Variants in CACNB2 observed in about 807,000 individuals in gnomAD.
CACNB2 encodes calcium voltage-gated channel auxiliary subunit beta 2.
Under a neutral mutation model 73.3 loss-of-function variants are expected in CACNB2, and 42 were observed. The observed-to-expected ratio is 0.57, with a 90% CI of 0.45 to 0.74. The LOEUF is 0.74. CACNB2 is among the 30% of genes least tolerant of loss of function. CACNB2 has a pLI of 0.00. For synonymous variants in CACNB2, 348 were observed against 310.3 expected, an observed-to-expected ratio of 1.12 and a Z score of -1.28; for missense variants, 940 against 853.0, an observed-to-expected ratio of 1.10 and a Z score of -1.27.
intron 3 of CACNB2, among the ~76,000 whole-genome samples, chr10:18,437,060 T>A (rs2046172251): frequency 6.6e-6 from 1 of 152,234 alleles, no homozygotes; most frequent in Non-Finnish European, 1.5e-5. Flanking sequence ...TACATTTGAC[T>A]TAAATGTTTA....
intron 2 of CACNB2, among the ~76,000 whole-genome samples, chr10:18,204,976 G>GAAA (rs80197923): frequency 3.2e-5 from 4 of 126,104 alleles, no homozygotes; most frequent in Non-Finnish European, 1.6e-5. Flanking sequence ...AACTTTACCA[G>GAAA]AAAAAAAAAA....
At chr10:18,279,622 T>C (rs77434189) in intron 2 of CACNB2, among the ~76,000 whole-genome samples, 4,170 of 152,342 alleles carry the variant, frequency 0.027, 185 homozygotes, top group African/African-American at 0.095. Context: ...AGGGTTGGCA[T>C]TTAGTTACTA....
chr10:18,205,670 C>T (rs1164279491), intron 2 of CACNB2, among the ~76,000 whole-genome samples: 1 of 152,174 alleles, frequency 6.6e-6, no homozygotes, highest in Non-Finnish European at 1.5e-5. Flanking sequence ...CCAAACCACA[C>T]TTCTGAGTCT....
chr10:18,152,420 C>G (rs1273590083), intron 2 of CACNB2, among the ~76,000 whole-genome samples: 3 of 152,032 alleles, frequency 2.0e-5, no homozygotes, highest in Admixed American at 6.6e-5. Context: ...AGGCTCAACC[C>G]TAGAGCTATG....
chr10:18,143,064 G>A (rs767505114), intron 1 of CACNB2, among the ~76,000 whole-genome samples: 3 of 152,188 alleles, frequency 2.0e-5, no homozygotes, highest in Non-Finnish European at 2.9e-5. Context: ...ATAATTTATC[G>A]TTTCTAGTTC....
intron 2 of CACNB2, among the ~76,000 whole-genome samples, chr10:18,384,771 A>G (rs890706327): frequency 6.6e-6 from 1 of 151,154 alleles, no homozygotes. Context: ...AACCCACAAA[A>G]CCAAAAATAA....
At chr10:18,532,507 T>A (rs2053132019) in intron 10 of CACNB2, among the ~76,000 whole-genome samples, 1 of 151,862 alleles carries the variant, frequency 6.6e-6, no homozygotes, top group Non-Finnish European at 1.5e-5. Flanking sequence ...ACGCCATCTC[T>A]ACTAAAAGTA....
At chr10:18,375,906 T>G (rs1360477368) in intron 2 of CACNB2, among the ~76,000 whole-genome samples, 1 of 152,200 alleles carries the variant, frequency 6.6e-6, no homozygotes, top group Non-Finnish European at 1.5e-5. Flanking sequence ...AAAAACCACC[T>G]TTACTAACCA....
At chr10:18,453,614 A>G (rs752593835) in intron 3 of CACNB2, among the ~76,000 whole-genome samples, 2 of 152,208 alleles carry the variant, frequency 1.3e-5, no homozygotes, top group Non-Finnish European at 2.9e-5. Context: ...TGTCTCGTAC[A>G]CATACTTACC....
chr10:18,233,757 G>T (rs1013276242), intron 2 of CACNB2, among the ~76,000 whole-genome samples: 13 of 152,144 alleles, frequency 8.5e-5, no homozygotes, highest in African/African-American at 3.1e-4. Flanking sequence ...TGTGAATAAA[G>T]TACTAGGCTA....
chr10:18,183,914 A>G (rs1757208), intron 2 of CACNB2, among the ~76,000 whole-genome samples: 112,299 of 151,648 alleles, frequency 0.74, 41,629 homozygotes, highest in East Asian at 0.82. Context: ...CTGCAAGCCC[A>G]GGAGAGTTAC....
intron 3 of CACNB2, among the ~76,000 whole-genome samples, chr10:18,489,647 T>C (rs1434396528): frequency 6.6e-6 from 1 of 152,122 alleles, no homozygotes. Flanking sequence ...AAATGAAATG[T>C]AGCAATCTAT....
chr10:18,291,203 C>G (rs2039054954), intron 2 of CACNB2, among the ~76,000 whole-genome samples: 1 of 152,156 alleles, frequency 6.6e-6, no homozygotes, highest in Non-Finnish European at 1.5e-5. Flanking sequence ...TTATCTTTAT[C>G]CTCTGAGCGG....
chr10:18,281,837 G>A lies in CACNB2; in HGVS notation c.214-120087G>A, dbSNP rs535776255. Among the ~76,000 whole-genome samples, 74 of 151,998 alleles carry A rather than the reference G, an allele frequency of 4.9e-4. 1 individual carries two copies. In the South Asian group the frequency reaches 9.2e-3, roughly 19 times the overall value. On this transcript the variant is annotated intron_variant, in intron 2 of 13. Transcript: ENST00000324631. ...CTACTAAAAATACAAAAAATTAGCC[G>A]GGCATGATAGTGCATGGCTATAGTC... is the stretch of plus-strand genomic sequence containing the variant.
chr10:18,468,036 C>T (rs1339212133), intron 3 of CACNB2, among the ~76,000 whole-genome samples: 1 of 152,150 alleles, frequency 6.6e-6, no homozygotes, highest in Non-Finnish European at 1.5e-5. Context: ...AGGAAGATGG[C>T]ATTCCTACAT....
At chr10:18,152,733 C>CAAAAAAAA (rs1461809120) in intron 2 of CACNB2, among the ~76,000 whole-genome samples, 2 of 89,378 alleles carry the variant, frequency 2.2e-5, no homozygotes, top group African/African-American at 5.3e-5. Flanking sequence ...AAAAAAAAAA[C>CAAAAAAAA]AAAAAACAAA....
intron 2 of CACNB2, among the ~76,000 whole-genome samples, chr10:18,179,071 T>C (rs1564320873): frequency 1.3e-5 from 2 of 152,332 alleles, no homozygotes; most frequent in Middle Eastern, 3.4e-3. Context: ...TAGGCCTTAC[T>C]GCGGAACAGG....
chr10:18,425,064 T>A (rs141143204), intron 3 of CACNB2, among the ~76,000 whole-genome samples: 1 of 152,262 alleles, frequency 6.6e-6, no homozygotes, highest in African/African-American at 2.4e-5. Flanking sequence ...ATACTATCAC[T>A]GTAGGAGAGT....
At chr10:18,160,116 T>C (rs1442137593) in intron 2 of CACNB2, among the ~76,000 whole-genome samples, 3 of 152,208 alleles carry the variant, frequency 2.0e-5, no homozygotes, top group Non-Finnish European at 2.9e-5. Flanking sequence ...TAAAACAAAA[T>C]TTAGATTTTG....
Sources: allele counts gnomAD v4.1 joint callset (sites outside exome capture counted in the v4.1 genomes callset), GRCh38; gene constraint gnomAD v4.1.1; transcripts MANE v1.5; gene names NCBI Gene and HGNC (gene_info 2026-07-23, HGNC 2026-07-21).